Variants in GALNT17 observed in about 807,000 individuals in gnomAD.
The protein encoded by GALNT17 is UDP-GalNAc:polypeptide N-acetylgalactosaminyltransferase-like 3.
A neutral mutation model predicts 63.7 loss-of-function variants in GALNT17; 29 were observed. The observed-to-expected ratio is 0.46, with a 90% confidence interval of 0.34 to 0.62. GALNT17 has a LOEUF of 0.62. Among genes scored for constraint, GALNT17 ranks in the 20% least tolerant of loss-of-function variants. The pLI is 0.01. For synonymous variants in GALNT17, 305 were observed against 318.3 expected (o/e 0.96, Z 0.45); for missense variants, 603 against 799.6 (o/e 0.75, Z 2.97).
Position 71,665,578 on chromosome 7 carries a change from G to A in GALNT17, c.1248G>A (p.Ala416=), listed in dbSNP as rs753463693. 5.5e-5 allele frequency: 89 copies of A among 1,613,166 alleles called. No individual in the cohort carries two copies. In the South Asian group the frequency reaches 5.9e-4, roughly 11 times the overall value. ...ATTACAAGTCTCATGTGTACATAGCGTGGAACCTGCCGCTGGAGGTAGGGA... is the reference window on the plus strand; with the variant it reads ...ATTACAAGTCTCATGTGTACATAGCATGGAACCTGCCGCTGGAGGTAGGGA... The part of the protein sequence containing the change: ...MDDYKSHVYI[A]WNLPLENPGI... Residue 416 remains alanine (A), a synonymous_variant, in exon 7 of 11, where the codon GCG becomes GCA. Transcript: ENST00000333538.
At chr7:71,603,489 C>T (rs535170016) in intron 6 of GALNT17, among the ~76,000 whole-genome samples, 23 of 151,132 alleles carry the variant, frequency 1.5e-4, no homozygotes, top group African/African-American at 5.6e-4. Context: ...CACTGGATGC[C>T]ATGCTGAGTG....
intron 6 of GALNT17, among the ~76,000 whole-genome samples, chr7:71,612,372 AT>A (rs1790138291): frequency 6.6e-6 from 1 of 152,214 alleles, no homozygotes; most frequent in Non-Finnish European, 1.5e-5. Flanking sequence ...AATATTTGTC[AT>A]TTTATATTGT....
At chr7:71,217,211 T>C (rs1281598274) in intron 1 of GALNT17, among the ~76,000 whole-genome samples, 5 of 144,894 alleles carry the variant, frequency 3.5e-5, no homozygotes, top group African/African-American at 1.3e-4. Flanking sequence ...TGAACTCCCA[T>C]ATGATCGCCC....
intron 1 of GALNT17, among the ~76,000 whole-genome samples, chr7:71,239,100 C>A (rs1004097640): frequency 6.6e-6 from 1 of 152,144 alleles, no homozygotes; most frequent in African/African-American, 2.4e-5. Context: ...TAATGAGACA[C>A]CTTGAGTCAG....
intron 1 of GALNT17, among the ~76,000 whole-genome samples, chr7:71,179,042 A>G (rs1304286983): frequency 6.6e-6 from 1 of 152,166 alleles, no homozygotes; most frequent in Non-Finnish European, 1.5e-5. Context: ...GGCTGGGCTC[A>G]GACTTCAAAC....
intron 1 of GALNT17, among the ~76,000 whole-genome samples, chr7:71,197,304 A>G (rs1789071302): frequency 7.1e-6 from 1 of 140,150 alleles, no homozygotes; most frequent in East Asian, 2.1e-4. Flanking sequence ...GTTTCACGCC[A>G]TTCGCCTGCC....
At position 71,132,819 on chromosome 7, in the gene GALNT17, G is replaced by T. The variant is rs1262018613; in HGVS notation, c.17G>T (p.Arg6Ile). 11 of 1,607,924 alleles carry T rather than the reference G, an allele frequency of 6.8e-6. No homozygotes were observed. The highest frequency in any genetic ancestry group is 8.5e-6 in the Non-Finnish European group (10 of 1,176,902). ...GGCTGTTTGATGGCTTCACTGAGAA[G>T]AGTCAAAGTGCTGTTGGTGTTGAAC... The part of the protein sequence containing the change: MASLR[R>I]VKVLLVLNLI... Residue 6 changes from arginine to isoleucine, a missense_variant, in exon 1 of 11, where the codon AGA (arginine) becomes ATA (isoleucine). By Grantham distance (97) the Arg-to-Ile change is moderately conservative. Around this residue, in one of 3 missense-constraint regions of GALNT17, gnomAD observed 195 missense variants for 215.0 expected, o/e 0.91. Transcript: ENST00000333538.
At chr7:71,191,934 G>A (rs191766089) in intron 1 of GALNT17, among the ~76,000 whole-genome samples, 22 of 152,242 alleles carry the variant, frequency 1.4e-4, no homozygotes, top group African/African-American at 5.3e-4. Flanking sequence ...CCCATGATAG[G>A]CCATCTGCTA....
chr7:71,671,549 C>T (rs185981288), intron 8 of GALNT17, among the ~76,000 whole-genome samples: 5 of 152,278 alleles, frequency 3.3e-5, no homozygotes, highest in African/African-American at 9.6e-5. Context: ...GTCTCTAGGG[C>T]GGTTAGGGAT....
chr7:71,456,151 C>T (rs182123969), intron 5 of GALNT17, among the ~76,000 whole-genome samples: 198 of 152,106 alleles, frequency 1.3e-3, no homozygotes, highest in Non-Finnish European at 2.4e-3. Context: ...GAGGCTGAGG[C>T]AGGAGAATTG....
chr7:71,190,066 C>T (rs551769152), intron 1 of GALNT17, among the ~76,000 whole-genome samples: 26 of 152,210 alleles, frequency 1.7e-4, no homozygotes, highest in Non-Finnish European at 3.4e-4. Flanking sequence ...CCACCTTGGC[C>T]TCCCAAAGTG....
intron 1 of GALNT17, among the ~76,000 whole-genome samples, chr7:71,240,461 G>T (rs1789973136): frequency 6.6e-6 from 1 of 151,890 alleles, no homozygotes; most frequent in South Asian, 2.1e-4. Context: ...AGTGTCTGTT[G>T]TTCTCACCTG....
At chr7:71,167,881 G>T (rs914028296) in intron 1 of GALNT17, among the ~76,000 whole-genome samples, 1 of 152,096 alleles carries the variant, frequency 6.6e-6, no homozygotes, top group African/African-American at 2.4e-5. Flanking sequence ...TGTTGGCCAG[G>T]CTGGTCTTGA....
intron 5 of GALNT17, among the ~76,000 whole-genome samples, chr7:71,515,973 T>A (rs775965080): frequency 1.1e-4 from 17 of 152,176 alleles, no homozygotes; most frequent in Admixed American, 8.5e-4. Context: ...ACTCACTGGA[T>A]CCACGTGTTG....
At chr7:71,260,003 G>A (rs112609737) in intron 1 of GALNT17, among the ~76,000 whole-genome samples, 1 of 152,122 alleles carries the variant, frequency 6.6e-6, no homozygotes, top group Non-Finnish European at 1.5e-5. Context: ...AAGGTCTTGG[G>A]TAGGGGATGG....
intron 5 of GALNT17, among the ~76,000 whole-genome samples, chr7:71,520,150 T>A (rs2116748515): frequency 6.6e-6 from 1 of 152,268 alleles, no homozygotes; most frequent in Admixed American, 6.5e-5. Flanking sequence ...CCATTGTATG[T>A]ATGGCGTCTC....
intron 5 of GALNT17, among the ~76,000 whole-genome samples, chr7:71,499,464 T>C (rs1054976304): frequency 3.3e-5 from 5 of 152,138 alleles, no homozygotes; most frequent in Non-Finnish European, 7.3e-5. Flanking sequence ...TTATTGTAAG[T>C]GGGAGAGACT....
chr7:71,505,974 T>C (rs1424369512), intron 5 of GALNT17, among the ~76,000 whole-genome samples: 2 of 151,408 alleles, frequency 1.3e-5, no homozygotes, highest in Non-Finnish European at 2.9e-5. Context: ...TGATCTCTCT[T>C]TCTCTGCCTC....
intron 6 of GALNT17, among the ~76,000 whole-genome samples, chr7:71,660,620 G>A (rs754739120): frequency 4.6e-5 from 7 of 152,190 alleles, no homozygotes; most frequent in East Asian, 1.9e-4. Context: ...AAACTGGATC[G>A]TTCCCTTTAG....
Sources: gnomAD v4.1 joint callset for allele counts (sites outside exome capture counted in the v4.1 genomes callset) on GRCh38, gnomAD v4.1.1 for gene constraint, gnomAD v4.1.1 regional missense constraint, MANE v1.5 for transcripts, NCBI Gene and HGNC (gene_info 2026-07-23, HGNC 2026-07-21) for gene names.